The following ZNF888 variants were observed in gnomAD, a reference collection of about 807,000 sequenced individuals.
ZNF888 encodes zinc finger protein 888, also known as CTD-2331H12.6.
Under a neutral mutation model 7.2 loss-of-function variants are expected in ZNF888, and 5 were observed. That is an observed-to-expected ratio of 0.70 (90% CI 0.36 to 1.46). The LOEUF (loss-of-function observed/expected upper bound fraction) is 1.46, where lower values mean the gene tolerates loss of function less well. ZNF888 is among the 40% of genes most tolerant of loss of function. The pLI, the probability that ZNF888 is intolerant of heterozygous loss-of-function variation, is 0.03. For synonymous variants in ZNF888, 240 were observed against 284.3 expected, an observed-to-expected ratio of 0.84 and a Z score of 1.57; for missense variants, 716 against 858.0, an observed-to-expected ratio of 0.83 and a Z score of 2.07.
At chr19:52,921,763 A>T (rs2064824596) in intron 1 of ZNF888, 1 of 428,178 alleles carries the variant, frequency 2.3e-6, no homozygotes, top group Non-Finnish European at 3.1e-6. Flanking sequence ...CCCCGTTTCT[A>T]CTGAAAATAC....
chr19:52,908,817 G>A (rs1367556680), intron 4 of ZNF888, among the ~76,000 whole-genome samples: 1 of 138,238 alleles, frequency 7.2e-6, no homozygotes, highest in Non-Finnish European at 1.5e-5. Context: ...CTGCACCACA[G>A]CCTGGGTGAC....
intron 3 of ZNF888, among the ~76,000 whole-genome samples, chr19:52,916,585 A>G (rs1600686895): frequency 7.0e-6 from 1 of 142,896 alleles, no homozygotes; most frequent in East Asian, 2.0e-4. Flanking sequence ...ATACACATAT[A>G]TATGTATTAT....
At chr19:52,918,317 C>A (rs2064774336) in intron 2 of ZNF888, 1 of 408,486 alleles carries the variant, frequency 2.4e-6, no homozygotes, top group African/African-American at 2.2e-5. Flanking sequence ...TGGTGAAACT[C>A]CTTCTCTATC....
intron 4 of ZNF888, chr19:52,913,717 C>T: frequency 2.0e-6 from 2 of 984,276 alleles, no homozygotes; most frequent in Non-Finnish European, 2.4e-6. Flanking sequence ...ATCTATACGA[C>T]ACACTTCACT....
Position 52,906,669 on chromosome 19 carries a change from C to G in ZNF888, c.1653G>C (p.Lys551Asn). The G allele has an allele frequency of 6.2e-7, 1 of 1,613,754 alleles. No homozygotes were observed. Among genetic ancestry groups the G allele is most frequent in the Non-Finnish European group, 8.5e-7 (1 of 1,179,806 alleles). The change falls in exon 5 of 5, where the codon AAG becomes AAC. Residue 551 changes from lysine (K) to asparagine (N), a missense_variant. This residue lies in a region of ZNF888 where 697 missense variants were observed against 803.4 expected (regional missense o/e 0.87). Transcript: ENST00000638862. ...KVIHTGEKRYKCNECGKSFNH... is the reference protein window; with the variant it reads ...KVIHTGEKRYNCNECGKSFNH... Reference sequence around the variant, plus strand: ...TAAAACTTTTGCCACATTCATTACACTTGTAACGTTTCTCTCCAGTATGAA... The same window carrying G: ...TAAAACTTTTGCCACATTCATTACAGTTGTAACGTTTCTCTCCAGTATGAA...
chr19:52,918,253 A>G, intron 2 of ZNF888: 1 of 962,294 alleles, frequency 1.0e-6, no homozygotes, highest in Non-Finnish European at 1.2e-6. Context: ...ACTCTCGGAG[A>G]CCAAGGTAGG....
At position 52,920,055 on chromosome 19, in the gene ZNF888, G is replaced by C. The variant is rs2064806525; in HGVS notation, c.-177-1118C>G. ...CTCTGCCCGGCCAGCCGCCCCGTCC[G>C]GGAGGGAGGTTGGGGGGTCAGCCCC... is the stretch of plus-strand genomic sequence containing the variant. On this transcript the variant is annotated intron_variant, in intron 1 of 4. Transcript: ENST00000638862. Among the ~76,000 whole-genome samples the C allele has an allele frequency of 3.8e-5, 2 of 52,002 alleles. 1 individual carries two copies. Among genetic ancestry groups the C allele is most frequent in the African/African-American group, 1.4e-4 (2 of 13,940 alleles). 34.1% of individuals were successfully genotyped at this position (52,002 alleles called of 152,430 possible). A position where few individuals can be genotyped will look rare whatever the true frequency, so the allele number is the denominator to read the frequency against.
intron 3 of ZNF888, among the ~76,000 whole-genome samples, chr19:52,916,097 G>A (rs1277878935): frequency 6.6e-6 from 1 of 152,222 alleles, no homozygotes; most frequent in Admixed American, 6.6e-5. Flanking sequence ...AGTGATCCCA[G>A]ATCACGTCAC....
Position 52,917,536 on chromosome 19 carries a change from C to T in ZNF888, c.15+323G>A. 4 of 659,736 alleles carry T rather than the reference C, an allele frequency of 6.1e-6. No individual in the cohort carries two copies. The East Asian group carries it at 1.1e-4, about 18-fold the overall frequency. The allele number at this position is 659,736 out of a possible 1,614,324, so 40.9% of individuals were successfully genotyped here. A position where few individuals can be genotyped will look rare whatever the true frequency, so the allele number is the denominator to read the frequency against. On this transcript the variant is annotated intron_variant, in intron 3 of 4. Transcript: ENST00000638862. ...TACTCTAATCTTGGTCCACAGAAAA[C>T]TGACAGTGCATCCAGATGCGGCCCT... is the stretch of plus-strand genomic sequence containing the variant.
chr19:52,906,354 G>GTGAA lies in ZNF888; in HGVS notation c.1964_1967dup (p.Thr657SerfsTer10). ...TACATTTGTATGGTTTCTCTCCAGT[G>GTGAA]TGAACTCTCTGATGTTGTGCAAGGT... On this transcript the variant is annotated frameshift_variant, in exon 5 of 5. Transcript: ENST00000638862. LOFTEE classifies it low-confidence loss of function (END_TRUNC). 5.0e-6 allele frequency: 8 copies of GTGAA among 1,613,424 alleles called. No homozygotes were observed. Among genetic ancestry groups the GTGAA allele is most frequent in the Non-Finnish European group, 5.9e-6 (7 of 1,179,756 alleles).
chr19:52,911,560 G>C (rs1471117887), intron 4 of ZNF888, among the ~76,000 whole-genome samples: 6 of 151,574 alleles, frequency 4.0e-5, no homozygotes, highest in South Asian at 2.1e-4. Flanking sequence ...GGATGGTCTC[G>C]ATCTCCTGAC....
intron 3 of ZNF888, 72 bp from the exon 4 acceptor site, chr19:52,915,394 A>G (rs1299285382): frequency 6.2e-7 from 1 of 1,612,418 alleles, no homozygotes; most frequent in Non-Finnish European, 8.5e-7. Context: ...TGAGAAGAAG[A>G]GAGGGGAAAG....
chr19:52,910,143 T>G (rs1485552489), intron 4 of ZNF888, among the ~76,000 whole-genome samples: 3 of 122,396 alleles, frequency 2.5e-5, no homozygotes, highest in Admixed American at 9.3e-5. Context: ...GAGCGAGACT[T>G]CGTCTCAAAA....
rs1288713539 is a variant in ZNF888, at chr19:52,908,180, C to T, written c.143-1G>A. 4 of 1,613,528 alleles carry T rather than the reference C, an allele frequency of 2.5e-6. No homozygotes were observed. The Admixed American group carries it at 6.7e-5, about 27-fold the overall frequency. On this transcript the variant is annotated splice_acceptor_variant, in intron 4 of 4. Coordinates refer to ENST00000638862, the MANE Select transcript of ZNF888 (RefSeq NM_001393938.1). LOFTEE classifies it high-confidence loss of function. ...TCCATCATGCATTTGGAAGAGATATCTACAAAATATAAACGCCAATAGTTT... is the reference window on the plus strand; with the variant it reads ...TCCATCATGCATTTGGAAGAGATATTTACAAAATATAAACGCCAATAGTTT...
chr19:52,912,613 C>G (rs1443516042), intron 4 of ZNF888, among the ~76,000 whole-genome samples: 6 of 150,892 alleles, frequency 4.0e-5, no homozygotes, highest in Non-Finnish European at 5.9e-5. Flanking sequence ...ACCTGCAGTC[C>G]CAGCTACTTG....
At position 52,907,657 on chromosome 19, in the gene ZNF888, G is replaced by T. The variant is rs974834459; in HGVS notation, c.665C>A (p.Ser222Tyr). The change falls in exon 5 of 5, where the codon TCC (serine) becomes TAC (tyrosine). Residue 222 changes from serine to tyrosine, a missense_variant. This residue lies in a region of ZNF888 where 697 missense variants were observed against 803.4 expected (regional missense o/e 0.87). Coordinates refer to ENST00000638862, the MANE Select transcript of ZNF888 (RefSeq NM_001393938.1). Reference sequence around the variant, plus strand: ...TTTAAAGAGTGAGCTACAATTAAAGGATTTGCCACTCTCATTAAATTGGAA... The same window carrying T: ...TTTAAAGAGTGAGCTACAATTAAAGTATTTGCCACTCTCATTAAATTGGAA... ...KSFQFNESGK[S>Y]FNCSSLFKKH... is the part of the protein sequence containing the mutation. 4 of 1,606,026 alleles carry T rather than the reference G, an allele frequency of 2.5e-6. No homozygotes were observed. The Admixed American group carries it at 6.8e-5, about 27-fold the overall frequency.
At chr19:52,914,971 T>C (rs1400037053) in intron 4 of ZNF888, among the ~76,000 whole-genome samples, 1 of 152,114 alleles carries the variant, frequency 6.6e-6, no homozygotes, top group Non-Finnish European at 1.5e-5. Context: ...TGCCATAAAG[T>C]TTTATGCCTA....
At chr19:52,909,272 G>C (rs2064648978) in intron 4 of ZNF888, among the ~76,000 whole-genome samples, 1 of 150,780 alleles carries the variant, frequency 6.6e-6, no homozygotes, top group African/African-American at 2.4e-5. Flanking sequence ...TTTTGAGATG[G>C]AGTCTCGCTC....
chr19:52,907,834 A>C lies in ZNF888; in HGVS notation c.488T>G (p.Leu163Arg), dbSNP rs1230978979. ...GGAAGCATTGTTGATAGACTTCTCA[A>C]GTTGATTACCAATTTTCCCTTCGGG... is the stretch of plus-strand genomic sequence containing the variant. ...FQPEGKIGNQ[L>R]EKSINNASSV... Residue 163 changes from leucine to arginine, a missense_variant, in exon 5 of 5, where the codon CTT becomes CGT. Transcript: ENST00000638862. The C allele has an allele frequency of 6.2e-7, 1 of 1,614,192 alleles. No individual in the cohort carries two copies. Among genetic ancestry groups the C allele is most frequent in the Non-Finnish European group, 8.5e-7 (1 of 1,180,040 alleles).
Sources: gnomAD v4.1 joint callset for allele counts (sites outside exome capture counted in the v4.1 genomes callset) on GRCh38, gnomAD v4.1.1 for gene constraint, gnomAD v4.1.1 regional missense constraint, MANE v1.5 for transcripts, NCBI Gene and HGNC (gene_info 2026-07-23, HGNC 2026-07-21) for gene names.